The following DMD variants were observed in gnomAD, a reference collection of about 807,000 sequenced individuals.
DMD encodes dystrophin.
DMD carries 63 observed loss-of-function variants against 330.1 expected under a neutral mutation model. The ratio of observed to expected loss-of-function variants is 0.19; its 90% CI spans 0.16 to 0.24. The LOEUF is 0.24. Ranked by LOEUF, DMD falls within the 10% of genes least tolerant of loss-of-function variation. The pLI is 1.00. For synonymous variants in DMD, 1,223 were observed against 959.8 expected (o/e 1.27, Z -5.07); for missense variants, 3,344 against 2,684.1 (o/e 1.25, Z -5.43).
intron 29 of DMD, among the ~76,000 whole-genome samples, chrX:32,424,935 T>C (rs771271261): frequency 2.1e-4 from 24 of 111,809 alleles, no homozygotes; most frequent in African/African-American, 7.5e-4. Context: ...AAATACAACC[T>C]GGAGATGCTA....
chrX:31,476,560 C>T (rs16989656), intron 59 of DMD, among the ~76,000 whole-genome samples: 3,538 of 107,650 alleles, frequency 0.033, 118 homozygotes, highest in African/African-American at 0.086. Context: ...AGAATAGGAG[C>T]TATGGCTGAG....
intron 44 of DMD, among the ~76,000 whole-genome samples, chrX:32,157,908 T>A (rs757517266): frequency 1.8e-5 from 2 of 112,221 alleles, no homozygotes; most frequent in East Asian, 5.6e-4. Flanking sequence ...GACCTGCTGT[T>A]CATATTTTTA....
At chrX:31,308,059 GATA>G (rs2055183643) in intron 62 of DMD, among the ~76,000 whole-genome samples, 1 of 111,478 alleles carries the variant, frequency 9.0e-6, no homozygotes, top group Non-Finnish European at 1.9e-5. Flanking sequence ...GTGCACCTAC[GATA>G]ATCTAATGCC....
At chrX:32,081,841 C>T (rs2096393759) in intron 44 of DMD, among the ~76,000 whole-genome samples, 1 of 109,529 alleles carries the variant, frequency 9.1e-6, no homozygotes. Flanking sequence ...ACAACGAGAG[C>T]AAAATTCTGT....
chrX:31,826,581 CAA>C (rs1314693966), intron 49 of DMD, among the ~76,000 whole-genome samples: 5 of 111,853 alleles, frequency 4.5e-5, no homozygotes, highest in Middle Eastern at 4.6e-3. Context: ...ATTTGCATAA[CAA>C]AAAATGTTTG....
chrX:31,620,239 T>G (rs1395955108), intron 55 of DMD, among the ~76,000 whole-genome samples: 2 of 110,705 alleles, frequency 1.8e-5, no homozygotes, highest in Non-Finnish European at 3.8e-5. Flanking sequence ...CTATCGAGGG[T>G]AGAGACAGTA....
chrX:32,060,553 TGA>T (rs1239875207), intron 44 of DMD, among the ~76,000 whole-genome samples: 1 of 111,223 alleles, frequency 9.0e-6, no homozygotes, highest in African/African-American at 3.3e-5. Context: ...TTTTAATCTT[TGA>T]GATATACAAT....
At position 31,520,103 on chromosome X, in the gene DMD, G is replaced by A. The variant is rs983921869; in HGVS notation, c.8218-12650C>T. ...GTAGGTAATATTTGGCATATTTGCC[G>A]GGAAAAAAATGTCATAAAGGAAAAG... On this transcript the variant is annotated intron_variant, in intron 55 of 78. Transcript: ENST00000357033. 2.2e-4 allele frequency among the ~76,000 whole-genome samples: 25 copies of A among 112,323 alleles called. No individual in the cohort carries two copies. The East Asian group carries it at 3.6e-3, about 16-fold the overall frequency.
chrX:31,380,207 G>A (rs149730163), intron 60 of DMD, among the ~76,000 whole-genome samples: 30,072 of 109,550 alleles, frequency 0.27, 3,582 homozygotes, highest in Non-Finnish European at 0.37. Context: ...CAACTTAGAC[G>A]ATACTCTTTT....
chrX:32,525,096 C>T (rs1603635494), intron 17 of DMD, among the ~76,000 whole-genome samples: 1 of 111,684 alleles, frequency 9.0e-6, no homozygotes, highest in Non-Finnish European at 1.9e-5. Context: ...TCATGGGAAA[C>T]AGGTGGACAC....
chrX:33,035,007 G>A (rs774893040), intron 1 of DMD, among the ~76,000 whole-genome samples: 240 of 111,247 alleles, frequency 2.2e-3, no homozygotes, highest in Non-Finnish European at 1.7e-3. Flanking sequence ...AAAATTGTGG[G>A]CAAAATTTTA....
chrX:32,304,047 T>C lies in DMD; in HGVS notation c.6117+6035A>G, dbSNP rs988708103. ...TGTCCCCATGTGAGAAAACACTTTCTAAACACAGCTACGTATTTGGACCAA... is the reference window on the plus strand; with the variant it reads ...TGTCCCCATGTGAGAAAACACTTTCCAAACACAGCTACGTATTTGGACCAA... On this transcript the variant is annotated intron_variant, in intron 42 of 78. Coordinates refer to ENST00000357033, the MANE Select transcript of DMD (RefSeq NM_004006.3). Among the ~76,000 whole-genome samples the C allele has an allele frequency of 3.6e-5, 4 of 111,619 alleles. No individual in the cohort carries two copies. In the Admixed American group the frequency reaches 3.8e-4, roughly 11 times the overall value.
At chrX:31,148,328 A>G (rs2036980809) in intron 74 of DMD, among the ~76,000 whole-genome samples, 1 of 112,400 alleles carries the variant, frequency 8.9e-6, no homozygotes, top group Non-Finnish European at 1.9e-5. Context: ...TACCATTCTA[A>G]GAGTTGCTTT....
intron 1 of DMD, among the ~76,000 whole-genome samples, chrX:33,087,285 G>T (rs2095022073): frequency 8.9e-6 from 1 of 112,161 alleles, no homozygotes. Flanking sequence ...CTTGCTCTTG[G>T]TATAAAAAAG....
intron 1 of DMD, among the ~76,000 whole-genome samples, chrX:33,022,896 C>T (rs1241522368): frequency 9.0e-6 from 1 of 111,710 alleles, no homozygotes; most frequent in Admixed American, 9.5e-5. Flanking sequence ...TTTTGAACAA[C>T]TCAAGGAGGT....
At position 31,524,191 on chromosome X, in the gene DMD, G is replaced by A. The variant is rs143162079; in HGVS notation, c.8218-16738C>T. ...CCTTCAGCTTATCAAAGAAGTGATA[G>A]TGCTACAGGCAGGAGTGCCCCATAA... On this transcript the variant is annotated intron_variant, in intron 55 of 78. Transcript: ENST00000357033. 2.9e-3 allele frequency among the ~76,000 whole-genome samples: 321 copies of A among 112,080 alleles called. 4 individuals are homozygous for A. The highest frequency in any genetic ancestry group is 9.5e-3 in the African/African-American group (294 of 30,842).
At chrX:32,891,519 C>A (rs950936480) in intron 2 of DMD, among the ~76,000 whole-genome samples, 1 of 111,642 alleles carries the variant, frequency 9.0e-6, no homozygotes, top group Admixed American at 9.5e-5. Flanking sequence ...AATTATAAGG[C>A]GGGGAGGTAA....
chrX:31,637,636 T>C (rs942785230), intron 54 of DMD, among the ~76,000 whole-genome samples: 1 of 111,046 alleles, frequency 9.0e-6, no homozygotes, highest in African/African-American at 3.3e-5. Context: ...TTAATTAAAG[T>C]CAATAAACCT....
intron 62 of DMD, among the ~76,000 whole-genome samples, chrX:31,274,841 G>T (rs2051970184): frequency 9.0e-6 from 1 of 111,003 alleles, no homozygotes; most frequent in African/African-American, 3.3e-5. Context: ...TTTATGGTTG[G>T]TAAAAACTGG....
Sources: gnomAD v4.1 joint callset for allele counts (sites outside exome capture counted in the v4.1 genomes callset) on GRCh38, gnomAD v4.1.1 for gene constraint, MANE v1.5 for transcripts, NCBI Gene and HGNC (gene_info 2026-07-23, HGNC 2026-07-21) for gene names.